MAGI3: variants seen among roughly 807,000 people sequenced by gnomAD.
MAGI3 encodes the protein membrane-associated guanylate kinase, WW and PDZ domain-containing protein 3.
Under a neutral mutation model 121.8 loss-of-function variants are expected in MAGI3, and 43 were observed. The observed-to-expected ratio is 0.35, with a 90% CI of 0.28 to 0.46. The LOEUF (loss-of-function observed/expected upper bound fraction) is 0.46. Among genes scored for constraint, MAGI3 ranks in the 20% least tolerant of loss-of-function variants. The pLI is 1.00. For missense variants in MAGI3, 1,547 were observed against 1,797.3 expected (o/e 0.86, Z 2.52); for synonymous variants, 553 against 639.3 (o/e 0.86, Z 2.04).
At chr1:113,519,602 G>A (rs1371832154) in intron 1 of MAGI3, among the ~76,000 whole-genome samples, 1 of 152,164 alleles carries the variant, frequency 6.6e-6, no homozygotes, top group Non-Finnish European at 1.5e-5. Flanking sequence ...AGCAACAAAA[G>A]GAAAAGGCAA....
Position 113,684,128 on chromosome 1 carries a change from A to G in MAGI3, c.*114A>G, listed in dbSNP as rs1648403891. 8.3e-7 allele frequency: 1 copy of G among 1,206,658 alleles called. No homozygotes were observed. Among genetic ancestry groups the G allele is most frequent in the African/African-American group, 1.6e-5 (1 of 64,286 alleles). The allele number at this position is 1,206,658 out of a possible 1,614,324, so 74.7% of individuals were successfully genotyped here. A position where few individuals can be genotyped will look rare whatever the true frequency, so the allele number is the denominator to read the frequency against. The stretch of plus-strand genomic sequence containing the variant: ...TTCTGAAACAGATAAGTACATGTTA[A>G]TGTGAGCCTCAAGTTACCTAGGCTG... On this transcript the variant is annotated 3_prime_UTR_variant, in exon 21 of 21. Coordinates refer to ENST00000307546, the MANE Select transcript of MAGI3 (RefSeq NM_001142782.2).
intron 1 of MAGI3, among the ~76,000 whole-genome samples, chr1:113,428,010 C>G (rs1557751755): frequency 6.6e-6 from 1 of 151,316 alleles, no homozygotes; most frequent in East Asian, 1.9e-4. Flanking sequence ...TGAATGTGTT[C>G]TGTGTGTGTG....
chr1:113,672,596 T>C lies in MAGI3; in HGVS notation c.2919-19T>C. On this transcript the variant is annotated intron_variant, in intron 17 of 20. Transcript: ENST00000307546. ...CATTTTCTCAGTTCAGAGAGTGACTTGATTTCTCTCTCTTGTAGAAGTGCC... is the reference window on the plus strand; with the variant it reads ...CATTTTCTCAGTTCAGAGAGTGACTCGATTTCTCTCTCTTGTAGAAGTGCC... The C allele has an allele frequency of 6.2e-7, 1 of 1,604,806 alleles. No individual in the cohort carries two copies. Among genetic ancestry groups the C allele is most frequent in the Admixed American group, 1.7e-5 (1 of 57,604 alleles).
At chr1:113,508,731 T>C (rs1657467905) in intron 1 of MAGI3, among the ~76,000 whole-genome samples, 1 of 152,218 alleles carries the variant, frequency 6.6e-6, no homozygotes. Flanking sequence ...AAGTATTCCC[T>C]AATGAAAGAA....
chr1:113,482,706 T>C (rs181973669), intron 1 of MAGI3, among the ~76,000 whole-genome samples: 1 of 151,970 alleles, frequency 6.6e-6, no homozygotes, highest in Admixed American at 6.6e-5. Flanking sequence ...AATCTAATAA[T>C]TTTTTATGGA....
chr1:113,401,880 G>A (rs1015736994), intron 1 of MAGI3, among the ~76,000 whole-genome samples: 2 of 152,136 alleles, frequency 1.3e-5, no homozygotes, highest in African/African-American at 4.8e-5. Flanking sequence ...CACCTAAGAT[G>A]GATCCTTTGA....
chr1:113,665,574 G>T (rs571197516), intron 16 of MAGI3, among the ~76,000 whole-genome samples: 6 of 152,016 alleles, frequency 3.9e-5, no homozygotes, highest in African/African-American at 1.4e-4. Context: ...GTGTATACGC[G>T]TATATAAATA....
In MAGI3 at chr1:113,552,681, A is replaced by T. The variant is rs1415457984; in HGVS notation, c.433+3050A>T. Among the ~76,000 whole-genome samples the T allele has an allele frequency of 3.9e-5, 6 of 152,022 alleles. No individual in the cohort carries two copies. In the East Asian group the frequency reaches 7.7e-4, roughly 20 times the overall value. On this transcript the variant is annotated intron_variant, in intron 2 of 20. Coordinates refer to ENST00000307546, the MANE Select transcript of MAGI3 (RefSeq NM_001142782.2). ...GTGTGAGGTTTTTATCCTAGAAGGG[A>T]GCTAAAATTTATTTTGTTTCATTTC...
At chr1:113,519,038 G>A (rs930359302) in intron 1 of MAGI3, among the ~76,000 whole-genome samples, 5 of 152,058 alleles carry the variant, frequency 3.3e-5, no homozygotes, top group African/African-American at 2.4e-5. Flanking sequence ...AAATAAAAGG[G>A]GGTACTGATG....
chr1:113,495,483 AGT>A (rs1200038295), intron 1 of MAGI3, among the ~76,000 whole-genome samples: 1 of 151,910 alleles, frequency 6.6e-6, no homozygotes, highest in African/African-American at 2.4e-5. Context: ...CACTGTACTC[AGT>A]GTGTAGTCTT....
intron 1 of MAGI3, among the ~76,000 whole-genome samples, chr1:113,424,261 C>T (rs977896490): frequency 6.6e-6 from 1 of 150,594 alleles, no homozygotes; most frequent in African/African-American, 2.5e-5. Context: ...ACATGGGCCG[C>T]CACTGACATC....
At position 113,684,129 on chromosome 1, in the gene MAGI3, T is replaced by C. The variant is rs1648404135; in HGVS notation, c.*115T>C. 8.3e-7 allele frequency: 1 copy of C among 1,208,228 alleles called. No homozygotes were observed. Among genetic ancestry groups the C allele is most frequent in the Non-Finnish European group, 1.1e-6 (1 of 899,018 alleles). The allele number at this position is 1,208,228 out of a possible 1,614,324, so 74.8% of individuals were successfully genotyped here. A position where few individuals can be genotyped will look rare whatever the true frequency, so the allele number is the denominator to read the frequency against. On this transcript the variant is annotated 3_prime_UTR_variant, in exon 21 of 21. Coordinates refer to ENST00000307546, the MANE Select transcript of MAGI3 (RefSeq NM_001142782.2). ...TCTGAAACAGATAAGTACATGTTAA[T>C]GTGAGCCTCAAGTTACCTAGGCTGC... is the stretch of plus-strand genomic sequence containing the variant.
intron 1 of MAGI3, among the ~76,000 whole-genome samples, chr1:113,427,703 G>A (rs1361025906): frequency 3.3e-5 from 5 of 152,262 alleles, no homozygotes; most frequent in South Asian, 2.1e-4. Context: ...ATATACAGGC[G>A]AAGAACAAGA....
chr1:113,419,941 C>T lies in MAGI3; in HGVS notation c.316+28592C>T, dbSNP rs138122206. Among the ~76,000 whole-genome samples the T allele has an allele frequency of 7.2e-3, 1,091 of 152,262 alleles. 7 individuals carry two copies. Among genetic ancestry groups the T allele is most frequent in the Non-Finnish European group, 0.012 (812 of 68,012 alleles). On this transcript the variant is annotated intron_variant, in intron 1 of 20. Coordinates refer to ENST00000307546, the MANE Select transcript of MAGI3 (RefSeq NM_001142782.2). ...GCGTTATCAGTCTAGCCTCTCCTTC[C>T]GTTGTCACATCTCCTTCTCTCACTT... is the stretch of plus-strand genomic sequence containing the variant.
At chr1:113,449,692 G>C in intron 1 of MAGI3, 4 of 807,978 alleles carry the variant, frequency 5.0e-6, no homozygotes, top group Non-Finnish European at 8.8e-6. Flanking sequence ...GGCGAGTCTG[G>C]TCTCAAAATG....
intron 1 of MAGI3, among the ~76,000 whole-genome samples, chr1:113,504,333 G>A (rs921207044): frequency 3.9e-4 from 59 of 152,080 alleles, no homozygotes; most frequent in Admixed American, 2.0e-4. Context: ...TAACAAATTT[G>A]TATCTATAAT....
At chr1:113,666,878 C>G (rs900327305) in intron 16 of MAGI3, among the ~76,000 whole-genome samples, 24 of 152,208 alleles carry the variant, frequency 1.6e-4, no homozygotes, top group Non-Finnish European at 3.2e-4. Flanking sequence ...ATGAAAACAA[C>G]ATTTATCTCC....
intron 9 of MAGI3, among the ~76,000 whole-genome samples, chr1:113,628,589 T>C (rs914651425): frequency 2.7e-4 from 41 of 152,346 alleles, no homozygotes; most frequent in African/African-American, 9.1e-4. Context: ...TAGCATTTCT[T>C]GTAGGAGAGA....
intron 2 of MAGI3, among the ~76,000 whole-genome samples, chr1:113,576,176 A>G (rs1647621893): frequency 6.6e-6 from 1 of 152,156 alleles, no homozygotes; most frequent in Admixed American, 6.5e-5. Flanking sequence ...CCCTGGCTTC[A>G]GCCCCCTTTG....
Sources: gnomAD v4.1 joint callset for allele counts (sites outside exome capture counted in the v4.1 genomes callset) on GRCh38, gnomAD v4.1.1 for gene constraint, MANE v1.5 for transcripts, NCBI Gene and HGNC (gene_info 2026-07-23, HGNC 2026-07-21) for gene names.